Variants in MARCHF1 observed in about 807,000 individuals in gnomAD.
The protein encoded by MARCHF1 is E3 ubiquitin-protein ligase MARCHF1.
In MARCHF1, 40 loss-of-function variants were observed where a neutral mutation model predicts 54.2. That is an observed-to-expected ratio of 0.74 (90% CI 0.57 to 0.96). MARCHF1 has a LOEUF of 0.96. Ranked by LOEUF, MARCHF1 falls within the 40% of genes least tolerant of loss-of-function variation. The pLI, the probability that MARCHF1 is intolerant of heterozygous loss-of-function variation, is 0.00. For missense variants in MARCHF1, 586 were observed against 656.5 expected (o/e 0.89, Z 1.17); for synonymous variants, 236 against 236.3 (o/e 1.00, Z 0.01).
chr4:163,715,846 T>C (rs1745240345), intron 4 of MARCHF1, among the ~76,000 whole-genome samples: 1 of 152,126 alleles, frequency 6.6e-6, no homozygotes, highest in African/African-American at 2.4e-5. Context: ...TTAAAAAACG[T>C]AATGAATTTT....
intron 1 of MARCHF1, among the ~76,000 whole-genome samples, chr4:164,253,289 G>T (rs955140056): frequency 6.6e-6 from 1 of 152,106 alleles, no homozygotes; most frequent in African/African-American, 2.4e-5. Flanking sequence ...AAAGAGATGA[G>T]CTCAATAAAG....
chr4:164,069,643 G>A lies in MARCHF1; in HGVS notation c.-248+41945C>T, dbSNP rs567681670. Among the ~76,000 whole-genome samples, 346 of 152,102 alleles carry A rather than the reference G, an allele frequency of 2.3e-3. 2 individuals are homozygous for A. The highest frequency in any genetic ancestry group is 7.9e-3 in the African/African-American group (327 of 41,478). ...CTCCGAACACATCCGAACATCAGAA[G>A]GAACAAACTCTTTGGACACGCCACC... On this transcript the variant is annotated intron_variant, in intron 2 of 9. Coordinates refer to ENST00000514618, the MANE Select transcript of MARCHF1 (RefSeq NM_001394959.1).
chr4:163,592,002 C>T (rs1295276608), intron 7 of MARCHF1, among the ~76,000 whole-genome samples: 4 of 152,112 alleles, frequency 2.6e-5, no homozygotes, highest in Admixed American at 6.6e-5. Flanking sequence ...GACATGGAGA[C>T]AGCAAGCAAT....
intron 5 of MARCHF1, among the ~76,000 whole-genome samples, chr4:163,693,146 G>T (rs1744515934): frequency 1.3e-5 from 2 of 151,336 alleles, no homozygotes; most frequent in African/African-American, 4.9e-5. Flanking sequence ...TGAGCAGGAA[G>T]GGCCAATAAT....
chr4:164,053,135 A>T (rs1167880814), intron 2 of MARCHF1, among the ~76,000 whole-genome samples: 2 of 152,180 alleles, frequency 1.3e-5, no homozygotes, highest in Non-Finnish European at 2.9e-5. Context: ...TTTAGAGAAC[A>T]TTTTGTGATT....
At chr4:164,106,955 A>C (rs1755718881) in intron 2 of MARCHF1, among the ~76,000 whole-genome samples, 1 of 152,136 alleles carries the variant, frequency 6.6e-6, no homozygotes, top group African/African-American at 2.4e-5. Context: ...AACCATATGC[A>C]GAAGATCTTT....
chr4:163,684,177 G>A (rs536128953), intron 5 of MARCHF1, among the ~76,000 whole-genome samples: 46 of 152,266 alleles, frequency 3.0e-4, no homozygotes, highest in African/African-American at 6.0e-4. Flanking sequence ...GCAAAGGTTC[G>A]CCTAGTTTCA....
chr4:163,712,402 T>C (rs1347710940), intron 4 of MARCHF1, among the ~76,000 whole-genome samples: 8 of 152,140 alleles, frequency 5.3e-5, no homozygotes, highest in Non-Finnish European at 1.5e-5. Context: ...CCTGGAGGCA[T>C]AAAATTTAAA....
chr4:164,009,688 C>A (rs1387542082), intron 2 of MARCHF1, among the ~76,000 whole-genome samples: 1 of 152,006 alleles, frequency 6.6e-6, no homozygotes, highest in African/African-American at 2.4e-5. Flanking sequence ...CAAGAAAAAT[C>A]TAACCATGTG....
intron 5 of MARCHF1, among the ~76,000 whole-genome samples, chr4:163,626,036 TG>T (rs1741859446): frequency 6.6e-6 from 1 of 152,186 alleles, no homozygotes; most frequent in Non-Finnish European, 1.5e-5. Context: ...AACAATTGGC[TG>T]GATGAGCAGA....
At chr4:163,718,457 GA>G (rs927879157) in intron 4 of MARCHF1, among the ~76,000 whole-genome samples, 4 of 152,006 alleles carry the variant, frequency 2.6e-5, no homozygotes, top group Admixed American at 1.3e-4. Context: ...AAATTTACAA[GA>G]AAAAAACATT....
intron 4 of MARCHF1, among the ~76,000 whole-genome samples, chr4:163,786,488 T>C (rs542135799): frequency 5.3e-5 from 8 of 151,954 alleles, no homozygotes; most frequent in Non-Finnish European, 1.0e-4. Context: ...ATAATGGACA[T>C]TACTAAATTT....
At chr4:164,242,312 C>A (rs1330015634) in intron 1 of MARCHF1, among the ~76,000 whole-genome samples, 2 of 144,578 alleles carry the variant, frequency 1.4e-5, no homozygotes, top group African/African-American at 2.6e-5. Context: ...TCAAGTGGGT[C>A]CCTGACCCCT....
chr4:163,577,498 T>C (rs938216970), intron 8 of MARCHF1, among the ~76,000 whole-genome samples: 4 of 152,066 alleles, frequency 2.6e-5, no homozygotes, highest in African/African-American at 9.7e-5. Context: ...CCTTTTTCTC[T>C]AGCTGCCTTT....
At chr4:164,344,492 T>TC (rs1444205739) in intron 1 of MARCHF1, among the ~76,000 whole-genome samples, 3 of 146,522 alleles carry the variant, frequency 2.0e-5, no homozygotes, top group African/African-American at 5.2e-5. Flanking sequence ...GTGTGTGTTT[T>TC]GGTCAGCACT....
chr4:163,580,524 A>G (rs986060113), intron 8 of MARCHF1, among the ~76,000 whole-genome samples: 10 of 152,222 alleles, frequency 6.6e-5, no homozygotes, highest in South Asian at 2.1e-4. Context: ...ACAAAGAGAA[A>G]CAACAAACCC....
chr4:163,942,794 C>T (rs1199070381), intron 3 of MARCHF1, among the ~76,000 whole-genome samples: 1 of 152,058 alleles, frequency 6.6e-6, no homozygotes, highest in African/African-American at 2.4e-5. Flanking sequence ...AAAAGTCTCC[C>T]TTATAATAAA....
At chr4:164,259,018 C>T (rs1276705787) in intron 1 of MARCHF1, among the ~76,000 whole-genome samples, 3 of 152,036 alleles carry the variant, frequency 2.0e-5, no homozygotes, top group African/African-American at 7.2e-5. Context: ...CATATAAAAA[C>T]TTCTGAGAAT....
At chr4:164,244,650 A>G (rs1326367924) in intron 1 of MARCHF1, among the ~76,000 whole-genome samples, 1 of 151,032 alleles carries the variant, frequency 6.6e-6, no homozygotes, top group Non-Finnish European at 1.5e-5. Context: ...AACCCTTCAA[A>G]AAATTAATGA....
Sources: allele counts gnomAD v4.1 joint callset (sites outside exome capture counted in the v4.1 genomes callset), GRCh38; gene constraint gnomAD v4.1.1; transcripts MANE v1.5; gene names NCBI Gene and HGNC (gene_info 2026-07-23, HGNC 2026-07-21).